Variants in PTPRQ observed in about 807,000 individuals in gnomAD.
The protein encoded by PTPRQ is protein tyrosine phosphatase receptor type Q, also known as phosphatidylinositol phosphatase PTPRQ.
A neutral mutation model predicts 246.0 loss-of-function variants in PTPRQ; 199 were observed. That is an observed-to-expected ratio of 0.81 (90% confidence interval 0.72 to 0.91). The LOEUF is 0.91. PTPRQ is among the 40% of genes least tolerant of loss of function. The pLI is 0.00. For synonymous variants in PTPRQ, 869 were observed against 853.2 expected (o/e 1.02, Z -0.32); for missense variants, 2,624 against 2,528.4 (o/e 1.04, Z -0.81).
Position 80,528,086 on chromosome 12 carries a change from G to A in PTPRQ, c.2679-5929G>A, listed in dbSNP as rs148964284. Among the ~76,000 whole-genome samples the A allele has an allele frequency of 5.8e-3, 883 of 152,120 alleles. 10 individuals are homozygous for A. The highest frequency in any genetic ancestry group is 0.021 in the African/African-American group (857 of 41,492). On this transcript the variant is annotated intron_variant, in intron 17 of 44. Coordinates refer to ENST00000644991, the MANE Select transcript of PTPRQ (RefSeq NM_001145026.2). ...AGCCTGGGTCACAGAGTGAGACTCT[G>A]TCTCATAAATAAATAAATAAATAAA... is the stretch of plus-strand genomic sequence containing the variant.
At chr12:80,644,200 G>A (rs1031094196) in intron 35 of PTPRQ, among the ~76,000 whole-genome samples, 2 of 152,088 alleles carry the variant, frequency 1.3e-5, no homozygotes, top group Non-Finnish European at 2.9e-5. Flanking sequence ...TAATCTGAGT[G>A]GAATTTAAGT....
At chr12:80,565,980 G>A (rs1361039116) in intron 25 of PTPRQ, among the ~76,000 whole-genome samples, 1 of 152,068 alleles carries the variant, frequency 6.6e-6, no homozygotes, top group East Asian at 1.9e-4. Context: ...GCATTTTTTA[G>A]TATATTAATA....
At position 80,613,779 on chromosome 12, in the gene PTPRQ, C is replaced by T. The variant is rs1360493616; in HGVS notation, c.5106C>T (p.Asn1702=). ...IHNLSIIQKT[N]TFVIAMLEGL... ...ACCTCAGTATTATACAGAAAACCAA[C>T]ACATTCGTCATTGCAATGCTAGAAG... Residue 1702 remains asparagine, a synonymous_variant, in exon 29 of 45, where the codon AAC becomes AAT. Transcript: ENST00000644991. 4.5e-6 allele frequency: 7 copies of T among 1,542,484 alleles called. No individual in the cohort carries two copies. The highest frequency in any genetic ancestry group is 6.1e-6 in the Non-Finnish European group (7 of 1,141,474).
At chr12:80,477,535 G>C (rs1356397984) in intron 8 of PTPRQ, among the ~76,000 whole-genome samples, 1 of 152,150 alleles carries the variant, frequency 6.6e-6, no homozygotes, top group Non-Finnish European at 1.5e-5. Context: ...TAGGCAAGAT[G>C]GCCGAATAGG....
At chr12:80,484,376 C>A in intron 8 of PTPRQ, 57 bp from the exon 9 acceptor site, 1 of 1,468,856 alleles carries the variant, frequency 6.8e-7, no homozygotes, top group Non-Finnish European at 9.0e-7. Context: ...ACTTTTTTCA[C>A]TTGAAAAAAT....
rs1408261542 is a variant in PTPRQ, at chr12:80,622,132, T to C, written c.5684T>C (p.Leu1895Ser). ...GATTATTCTGACCCTGTTAAGACTT[T>C]AGGTAAGACATTTTTGTAATTCATT... Reference protein sequence around the residue: ...DSDYSDPVKTLGEGLSERTVE... With the variant: ...DSDYSDPVKTSGEGLSERTVE... Residue 1895 changes from leucine to serine, a missense_variant and splice_region_variant, in exon 33 of 45, where the codon TTA (leucine) becomes TCA (serine). Transcript: ENST00000644991. 1.4e-6 allele frequency: 2 copies of C among 1,422,196 alleles called. No homozygotes were observed. Among genetic ancestry groups the C allele is most frequent in the Non-Finnish European group, 1.9e-6 (2 of 1,081,074 alleles). 88.1% of individuals were successfully genotyped at this position (1,422,196 alleles called of 1,614,324 possible). A position where few individuals can be genotyped will look rare whatever the true frequency, so the allele number is the denominator to read the frequency against.
intron 34 of PTPRQ, among the ~76,000 whole-genome samples, chr12:80,633,845 T>G (rs926301798): frequency 6.6e-6 from 1 of 152,218 alleles, no homozygotes; most frequent in African/African-American, 2.4e-5. Flanking sequence ...AAATCTTTTC[T>G]GACTTCTCAT....
intron 25 of PTPRQ, among the ~76,000 whole-genome samples, chr12:80,552,847 T>C (rs972891260): frequency 6.6e-6 from 1 of 151,722 alleles, no homozygotes; most frequent in Non-Finnish European, 1.5e-5. Context: ...TTCTCAAAGC[T>C]TGAATTCTGC....
chr12:80,657,902 C>T, intron 38 of PTPRQ, 83 bp from the exon 39 acceptor site: 1 of 1,010,140 alleles, frequency 9.9e-7, no homozygotes, highest in Non-Finnish European at 1.4e-6. Context: ...ATATTATGAA[C>T]TCCTTTGTAT....
At chr12:80,493,844 A>G (rs1894527194) in intron 10 of PTPRQ, among the ~76,000 whole-genome samples, 3 of 152,002 alleles carry the variant, frequency 2.0e-5, no homozygotes, top group Admixed American at 6.6e-5. Context: ...AATAGGTCAG[A>G]AAGTTACAAA....
intron 23 of PTPRQ, among the ~76,000 whole-genome samples, chr12:80,544,126 T>C (rs1175907667): frequency 6.6e-6 from 1 of 152,070 alleles, no homozygotes; most frequent in Non-Finnish European, 1.5e-5. Flanking sequence ...TGACTCCAAA[T>C]TACCTGGCTC....
At chr12:80,638,267 TAA>T (rs148232481) in intron 35 of PTPRQ, among the ~76,000 whole-genome samples, 106 of 138,440 alleles carry the variant, frequency 7.7e-4, no homozygotes, top group Admixed American at 8.7e-4. Flanking sequence ...GAAACTCCGT[TAA>T]AAAAAAAAAA....
intron 6 of PTPRQ, among the ~76,000 whole-genome samples, chr12:80,464,204 G>A (rs1231584664): frequency 1.4e-4 from 20 of 146,600 alleles, no homozygotes; most frequent in Admixed American, 9.0e-4. Context: ...ACAAACAAAG[G>A]CAGGGGTTGC....
chr12:80,456,097 T>C lies in PTPRQ; in HGVS notation c.391-1478T>C, dbSNP rs142493840. Among the ~76,000 whole-genome samples, 790 of 152,254 alleles carry C rather than the reference T, an allele frequency of 5.2e-3. 8 individuals carry two copies. The highest frequency in any genetic ancestry group is 0.018 in the African/African-American group (750 of 41,532). ...CTCAATATAACATCAATATCTTCTT[T>C]GAACCTTGAAAATAATTAAATAGAG... On this transcript the variant is annotated intron_variant, in intron 3 of 44. Coordinates refer to ENST00000644991, the MANE Select transcript of PTPRQ (RefSeq NM_001145026.2).
chr12:80,557,918 T>C (rs905008957), intron 25 of PTPRQ, among the ~76,000 whole-genome samples: 6 of 152,128 alleles, frequency 3.9e-5, no homozygotes, highest in African/African-American at 1.4e-4. Flanking sequence ...TGTTCTCCAT[T>C]TTCTATAATT....
At chr12:80,509,507 T>C (rs1434513889) in intron 16 of PTPRQ, among the ~76,000 whole-genome samples, 2 of 152,082 alleles carry the variant, frequency 1.3e-5, no homozygotes, top group Non-Finnish European at 2.9e-5. Context: ...AATTTTAGTG[T>C]TTTCCTTTTT....
chr12:80,557,812 GA>G (rs1050804687), intron 25 of PTPRQ, among the ~76,000 whole-genome samples: 5 of 152,064 alleles, frequency 3.3e-5, no homozygotes, highest in Non-Finnish European at 7.4e-5. Context: ...CTTTCCATCA[GA>G]ATAATCCCTC....
chr12:80,507,487 G>A (rs958881782), intron 16 of PTPRQ, among the ~76,000 whole-genome samples: 2 of 151,716 alleles, frequency 1.3e-5, no homozygotes, highest in African/African-American at 2.4e-5. Context: ...CTAGGCCATA[G>A]CCTGTGACTG....
At chr12:80,559,293 C>T (rs1896757250) in intron 25 of PTPRQ, among the ~76,000 whole-genome samples, 2 of 152,324 alleles carry the variant, frequency 1.3e-5, no homozygotes, top group African/African-American at 2.4e-5. Context: ...ATCCGCCCAC[C>T]TCGGCCTCCC....
Sources: gnomAD v4.1 joint callset for allele counts (sites outside exome capture counted in the v4.1 genomes callset) on GRCh38, gnomAD v4.1.1 for gene constraint, MANE v1.5 for transcripts, NCBI Gene and HGNC (gene_info 2026-07-23, HGNC 2026-07-21) for gene names.